SCN8A: variants seen among roughly 807,000 people sequenced by gnomAD.
SCN8A encodes sodium channel protein type 8 subunit alpha.
In SCN8A, 30 loss-of-function variants were observed where a neutral mutation model predicts 184.1. That is an observed-to-expected ratio of 0.16 (90% CI 0.12 to 0.22). The LOEUF (loss-of-function observed/expected upper bound fraction) is 0.22. Among genes scored for constraint, SCN8A ranks in the 10% least tolerant of loss-of-function variants. The pLI is 1.00. For synonymous variants in SCN8A, 852 were observed against 907.0 expected, an observed-to-expected ratio of 0.94 and a Z score of 1.09; for missense variants, 1,057 against 2,498.9, an observed-to-expected ratio of 0.42 and a Z score of 12.30.
intron 6 of SCN8A, among the ~76,000 whole-genome samples, chr12:51,697,777 A>C (rs1041795550): frequency 7.9e-5 from 12 of 152,254 alleles, no homozygotes; most frequent in Admixed American, 3.3e-4. Context: ...TTCAGACAAT[A>C]ATGGTCAACA....
chr12:51,747,089 A>ATGTGTG (rs60490453), intron 13 of SCN8A, among the ~76,000 whole-genome samples: 1,854 of 81,220 alleles, frequency 0.023, 23 homozygotes, highest in African/African-American at 0.045. Flanking sequence ...CTCTGTGTGT[A>ATGTGTG]TGTGTGTGTG....
At chr12:51,715,727 C>A (rs940122016) in intron 11 of SCN8A, among the ~76,000 whole-genome samples, 36 of 151,038 alleles carry the variant, frequency 2.4e-4, no homozygotes, top group African/African-American at 8.5e-4. Context: ...AAACCTCTTT[C>A]CTAATGTGAA....
chr12:51,780,903 T>G, intron 21 of SCN8A, 132 bp downstream of exon 21: 1 of 1,155,582 alleles, frequency 8.7e-7, no homozygotes, highest in Non-Finnish European at 1.1e-6. Flanking sequence ...GATCCTCCAC[T>G]CTCTCCCCCA....
At chr12:51,758,527 TC>T (rs1231830840) in intron 14 of SCN8A, among the ~76,000 whole-genome samples, 1 of 152,208 alleles carries the variant, frequency 6.6e-6, no homozygotes, top group East Asian at 1.9e-4. Flanking sequence ...AACCTCCGTC[TC>T]CCAGGTTCAA....
At chr12:51,654,480 G>A (rs1350439261) in intron 1 of SCN8A, among the ~76,000 whole-genome samples, 4 of 151,978 alleles carry the variant, frequency 2.6e-5, no homozygotes, top group African/African-American at 4.8e-5. Context: ...TGGTTCCCTT[G>A]TCAAAAATCA....
At chr12:51,646,718 T>C (rs1338673148) in intron 1 of SCN8A, among the ~76,000 whole-genome samples, 1 of 152,170 alleles carries the variant, frequency 6.6e-6, no homozygotes, top group Admixed American at 6.5e-5. Context: ...CTGTTTGCGA[T>C]ATAAAGGGAA....
chr12:51,664,723 C>A (rs1287631704), intron 2 of SCN8A, among the ~76,000 whole-genome samples: 2 of 151,486 alleles, frequency 1.3e-5, no homozygotes, highest in Non-Finnish European at 2.9e-5. Context: ...TTTATTTTTC[C>A]TTTAACTTGT....
chr12:51,622,537 A>G (rs1488649334), intron 1 of SCN8A, among the ~76,000 whole-genome samples: 1 of 152,122 alleles, frequency 6.6e-6, no homozygotes, highest in Non-Finnish European at 1.5e-5. Flanking sequence ...GGTTTGTATG[A>G]TGTTTTTCTC....
rs1483503223 is a variant in SCN8A, at chr12:51,745,949, T to C, written c.2045T>C (p.Leu682Ser). The change falls in exon 13 of 27, where the codon TTA becomes TCA. Residue 682 changes from leucine (L) to serine (S), a missense_variant. Coordinates refer to ENST00000627620, the MANE Select transcript of SCN8A (RefSeq NM_001330260.2). ...AAGAAGAAAGGCCCTGGATCTCTTT[T>C]AGTTTCCATGGACCAATTAGCCTCC... ...EIKKKGPGSL[L>S]VSMDQLASYG... is the part of the protein sequence containing the mutation. The C allele has an allele frequency of 1.9e-6, 3 of 1,610,212 alleles. No homozygotes were observed. The highest frequency in any genetic ancestry group is 2.5e-6 in the Non-Finnish European group (3 of 1,178,506).
chr12:51,776,491 T>C (rs1341536970), intron 20 of SCN8A, among the ~76,000 whole-genome samples: 2 of 152,226 alleles, frequency 1.3e-5, no homozygotes, highest in Non-Finnish European at 2.9e-5. Context: ...GTAGAATTGC[T>C]CCAGAAGCAA....
In SCN8A at chr12:51,756,995, G is replaced by T. The variant is rs555993874; in HGVS notation, c.2370+5402G>T. On this transcript the variant is annotated intron_variant, in intron 14 of 26. Coordinates refer to ENST00000627620, the MANE Select transcript of SCN8A (RefSeq NM_001330260.2). ...GGTTACCTAGATTTTCAGCTAAAAAGAATTCTTTTCAGATTTTTTCTTTCA... is the reference window on the plus strand; with the variant it reads ...GGTTACCTAGATTTTCAGCTAAAAATAATTCTTTTCAGATTTTTTCTTTCA... Among the ~76,000 whole-genome samples the T allele has an allele frequency of 8.5e-5, 13 of 152,296 alleles. 1 individual carries two copies. Among genetic ancestry groups the T allele is most frequent in the African/African-American group, 2.2e-4 (9 of 41,560 alleles).
chr12:51,716,496 G>A (rs1413410650), intron 11 of SCN8A, among the ~76,000 whole-genome samples: 1 of 152,218 alleles, frequency 6.6e-6, no homozygotes, highest in Non-Finnish European at 1.5e-5. Flanking sequence ...TGAAAATGGA[G>A]CGTGCACTGG....
At chr12:51,635,551 T>C (rs1184262840) in intron 1 of SCN8A, among the ~76,000 whole-genome samples, 1 of 152,212 alleles carries the variant, frequency 6.6e-6, no homozygotes, top group Non-Finnish European at 1.5e-5. Flanking sequence ...TGGGAAACTT[T>C]AAACTAGGTT....
At chr12:51,678,152 C>T (rs1488913722) in intron 2 of SCN8A, among the ~76,000 whole-genome samples, 2 of 152,216 alleles carry the variant, frequency 1.3e-5, no homozygotes, top group Non-Finnish European at 2.9e-5. Context: ...ATATCTCTCT[C>T]AAAGTCAACC....
At chr12:51,692,342 G>A (rs1212100613) in intron 6 of SCN8A, among the ~76,000 whole-genome samples, 1 of 152,102 alleles carries the variant, frequency 6.6e-6, no homozygotes, top group Admixed American at 6.6e-5. Flanking sequence ...AGTATGTCAG[G>A]GCCGCCAGGA....
intron 1 of SCN8A, among the ~76,000 whole-genome samples, chr12:51,599,398 A>G (rs891326419): frequency 6.6e-6 from 1 of 152,196 alleles, no homozygotes; most frequent in Non-Finnish European, 1.5e-5. Context: ...GGTTGATGGA[A>G]GAAGCATGAT....
chr12:51,713,233 A>G (rs1400197173), intron 11 of SCN8A: 2 of 1,140,098 alleles, frequency 1.8e-6, no homozygotes, highest in African/African-American at 3.0e-5. Context: ...AATTTTCTTC[A>G]CTGTTAGATG....
chr12:51,794,659 A>G lies in SCN8A; in HGVS notation c.4795+18A>G, dbSNP rs369998430. Reference sequence around the variant, plus strand: ...CATTGTGGGTGAGTGGGGTTGGGGAAGTAGGCGAGGGGAAAGGGGACCTGA... The same window carrying G: ...CATTGTGGGTGAGTGGGGTTGGGGAGGTAGGCGAGGGGAAAGGGGACCTGA... On this transcript the variant is annotated intron_variant, in intron 26 of 26. Transcript: ENST00000627620. 2 of 1,611,392 alleles carry G rather than the reference A, an allele frequency of 1.2e-6. No individual in the cohort carries two copies. The highest frequency in any genetic ancestry group is 1.7e-6 in the Non-Finnish European group (2 of 1,178,192).
chr12:51,770,541 G>A lies in SCN8A; in HGVS notation c.3503G>A (p.Arg1168Gln), dbSNP rs763817893. 14 of 1,607,046 alleles carry A rather than the reference G, an allele frequency of 8.7e-6. No individual in the cohort carries two copies. The highest frequency in any genetic ancestry group is 3.4e-5 in the Admixed American group (2 of 58,906). ...DACFTEGCVQ[R>Q]FKCCQVNIEE... Reference sequence around the variant, plus strand: ...CCGCTGGTGCCAGGTTGTGTCCAGCGGTTCAAGTGCTGCCAGGTCAACATC... The same window carrying A: ...CCGCTGGTGCCAGGTTGTGTCCAGCAGTTCAAGTGCTGCCAGGTCAACATC... The change falls in exon 19 of 27, where the codon CGG (arginine) becomes CAG (glutamine). Residue 1168 changes from arginine (R) to glutamine (Q), a missense_variant. Arg to Gln is a conservative substitution (Grantham distance 43, BLOSUM62 1). Around this residue, in one of 19 missense-constraint regions of SCN8A, gnomAD observed 178 missense variants for 259.6 expected, o/e 0.69. Transcript: ENST00000627620.
Sources: gnomAD v4.1 joint callset for allele counts (sites outside exome capture counted in the v4.1 genomes callset) on GRCh38, gnomAD v4.1.1 for gene constraint, gnomAD v4.1.1 regional missense constraint, MANE v1.5 for transcripts, NCBI Gene and HGNC (gene_info 2026-07-23, HGNC 2026-07-21) for gene names.